TMEM59: variants seen among roughly 807,000 people sequenced by gnomAD.
The protein encoded by TMEM59 is dendritic cell factor 1.
Under a neutral mutation model 42.2 loss-of-function variants are expected in TMEM59, and 44 were observed. That is an observed-to-expected ratio of 1.04 (90% CI 0.82 to 1.34). The LOEUF is 1.34. Ranked by LOEUF, TMEM59 falls within the 40% of genes most tolerant of loss-of-function variation. The probability of loss-of-function intolerance (pLI) is 0.00; values close to 1 mark genes in which losing one functional copy is unlikely to be tolerated. For synonymous variants in TMEM59, 148 were observed against 145.8 expected (o/e 1.02, Z -0.11); for missense variants, 359 against 382.8 (o/e 0.94, Z 0.52).
intron 3 of TMEM59, 155 bp downstream of exon 3, chr1:54,045,537 C>T: frequency 1.6e-6 from 1 of 629,798 alleles, no homozygotes; most frequent in African/African-American, 1.8e-5. Context: ...AGCAATTATT[C>T]AACTGACTTT....
Position 54,043,508 on chromosome 1 carries a change from T to C in TMEM59, c.408A>G (p.Pro136=). The change falls in exon 4 of 8, where the codon CCA becomes CCG. Residue 136 remains proline, a synonymous_variant. Transcript: ENST00000234831. The stretch of plus-strand genomic sequence containing the variant: ...TTAGAGGAAAGAGTAGGTGCATTTT[T>C]GGCATCAGGGACATAAGCTAAAAAT... The part of the protein sequence containing the change: ...LRQEQLMSLM[P]KMHLLFPLTL... The C allele has an allele frequency of 4.0e-6, 6 of 1,513,200 alleles. No individual in the cohort carries two copies. The highest frequency in any genetic ancestry group is 4.4e-6 in the Non-Finnish European group (5 of 1,131,554). The allele number at this position is 1,513,200 out of a possible 1,614,324, so 93.7% of individuals were successfully genotyped here. A position where few individuals can be genotyped will look rare whatever the true frequency, so the allele number is the denominator to read the frequency against.
intron 1 of TMEM59, chr1:54,048,693 A>G: frequency 2.2e-6 from 1 of 457,438 alleles, no homozygotes; most frequent in Non-Finnish European, 4.5e-6. Flanking sequence ...CTAATAAGGA[A>G]ACAGCATGTG....
intron 7 of TMEM59, chr1:54,033,189 G>A (rs1412582054): frequency 6.7e-6 from 1 of 148,586 alleles, no homozygotes; most frequent in African/African-American, 2.5e-5. Flanking sequence ...TCAGACTCCT[G>A]GCCTCAAGTG....
intron 7 of TMEM59, among the ~76,000 whole-genome samples, chr1:54,035,415 TATAA>T (rs1185712280): frequency 5.9e-5 from 9 of 152,338 alleles, no homozygotes; most frequent in African/African-American, 2.2e-4. Context: ...TATTTAGTTA[TATAA>T]ATACTTTTCT....
intron 1 of TMEM59, 68 bp downstream of exon 1, chr1:54,052,932 C>T (rs1007281593): frequency 1.3e-6 from 2 of 1,529,680 alleles, no homozygotes; most frequent in African/African-American, 2.8e-5. Context: ...CCAGAGCCGA[C>T]ATACGTGTGG....
At chr1:54,033,603 C>CAAAAAAAA (rs397942884) in intron 7 of TMEM59, 1 of 46,820 alleles carries the variant, frequency 2.1e-5, no homozygotes, top group African/African-American at 7.2e-5. Flanking sequence ...CTCTGTCTCA[C>CAAAAAAAA]AAAAAAAAAA....
intron 3 of TMEM59, chr1:54,044,622 T>C (rs12758468): frequency 4.0e-5 from 6 of 150,916 alleles, no homozygotes; most frequent in African/African-American, 1.5e-4. Flanking sequence ...GGTAATATAG[T>C]GAGATCCTCA....
intron 2 of TMEM59, among the ~76,000 whole-genome samples, chr1:54,046,174 C>T (rs185828816): frequency 6.6e-6 from 1 of 152,012 alleles, no homozygotes; most frequent in Non-Finnish European, 1.5e-5. Flanking sequence ...CTATTGATTT[C>T]TATATGTGTA....
chr1:54,036,786 C>A, intron 6 of TMEM59, 68 bp from the exon 7 acceptor site: 1 of 1,102,590 alleles, frequency 9.1e-7, no homozygotes, highest in South Asian at 1.6e-5. Flanking sequence ...CTTAATTAGT[C>A]AACCTTATGT....
chr1:54,037,731 T>C (rs991293644), intron 6 of TMEM59, among the ~76,000 whole-genome samples: 3 of 152,248 alleles, frequency 2.0e-5, no homozygotes, highest in African/African-American at 7.2e-5. Flanking sequence ...AGGTGGACTT[T>C]GGAGAATGTA....
At chr1:54,047,415 T>TA in intron 1 of TMEM59, 43 bp from the exon 2 acceptor site, 1 of 1,523,150 alleles carries the variant, frequency 6.6e-7, no homozygotes. Context: ...AAAATAGTAT[T>TA]TTTTTTTCCT....
chr1:54,043,214 T>G (rs1264885818), intron 4 of TMEM59, among the ~76,000 whole-genome samples, 159 bp downstream of exon 4: 1 of 152,190 alleles, frequency 6.6e-6, no homozygotes. Context: ...GTAATAAAAC[T>G]GATGTCTAAT....
At chr1:54,036,747 T>C (rs1472515518) in intron 6 of TMEM59, 29 bp from the exon 7 acceptor site, 4 of 1,477,308 alleles carry the variant, frequency 2.7e-6, no homozygotes, top group East Asian at 2.5e-5. Flanking sequence ...CAATTAGTTA[T>C]ATTAAAATTT....
rs1306819532 is a variant in TMEM59 at position 54,047,266 on chromosome 1, C to T, written c.295+1G>A. On this transcript the variant is annotated splice_donor_variant, in intron 2 of 7. Coordinates refer to ENST00000234831, the MANE Select transcript of TMEM59 (RefSeq NM_004872.5). LOFTEE classifies it high-confidence loss of function. ...CTGATGTCGTTAGCATAGCATCTTA[C>T]CAGATTCACATTCCAATTTAGTTCG... 6.2e-7 allele frequency: 1 copy of T among 1,611,566 alleles called. No individual in the cohort carries two copies. Among genetic ancestry groups the T allele is most frequent in the Non-Finnish European group, 8.5e-7 (1 of 1,178,614 alleles).
intron 7 of TMEM59, 142 bp from the exon 8 acceptor site, chr1:54,032,447 CAA>C (rs1204621281): frequency 2.3e-5 from 20 of 885,334 alleles, no homozygotes; most frequent in Non-Finnish European, 3.2e-6. Context: ...TACTTTTTCT[CAA>C]AGTGTTGTAG....
chr1:54,044,693 A>G (rs370459729), intron 3 of TMEM59: 5 of 152,034 alleles, frequency 3.3e-5, no homozygotes, highest in African/African-American at 9.7e-5. Flanking sequence ...TTCTAGCCCT[A>G]TGATTTTATT....
intron 6 of TMEM59, among the ~76,000 whole-genome samples, chr1:54,037,591 T>C (rs1386828440): frequency 6.6e-6 from 1 of 152,216 alleles, no homozygotes; most frequent in East Asian, 1.9e-4. Context: ...TACTCCCTAA[T>C]TTTCACATCT....
chr1:54,036,577 G>T, intron 7 of TMEM59, 33 bp downstream of exon 7: 1 of 1,436,978 alleles, frequency 7.0e-7, no homozygotes, highest in African/African-American at 1.8e-5. Context: ...ATATCACAGG[G>T]CTCAGTCTTC....
chr1:54,043,644 C>G lies in TMEM59; in HGVS notation c.391-119G>C, dbSNP rs1657222226. 5.2e-6 allele frequency: 3 copies of G among 576,000 alleles called. No homozygotes were observed. In the South Asian group the frequency reaches 2.1e-4, roughly 39 times the overall value. 35.7% of individuals were successfully genotyped at this position (576,000 alleles called of 1,614,324 possible). A position where few individuals can be genotyped will look rare whatever the true frequency, so the allele number is the denominator to read the frequency against. Reference sequence around the variant, plus strand: ...ACAGGATACAAACAATTAAATACATCTACCATAATCAATAGCATTAGAGTA... The same window carrying G: ...ACAGGATACAAACAATTAAATACATGTACCATAATCAATAGCATTAGAGTA... On this transcript the variant is annotated intron_variant, in intron 3 of 7. Transcript: ENST00000234831.
Sources: allele counts gnomAD v4.1 joint callset (sites outside exome capture counted in the v4.1 genomes callset), GRCh38; gene constraint gnomAD v4.1.1; transcripts MANE v1.5; gene names NCBI Gene and HGNC (gene_info 2026-07-23, HGNC 2026-07-21).